The following PGM2L1 variants were observed in gnomAD, a reference collection of about 807,000 sequenced individuals.
PGM2L1 encodes glucose 1,6-bisphosphate synthase.
A neutral mutation model predicts 73.4 loss-of-function variants in PGM2L1; 35 were observed. The observed-to-expected ratio is 0.48, with a 90% CI of 0.36 to 0.63. The LOEUF (loss-of-function observed/expected upper bound fraction) is 0.63. PGM2L1 is among the 30% of genes least tolerant of loss of function. The pLI is 0.00. For synonymous variants in PGM2L1, 225 were observed against 253.8 expected (o/e 0.89, Z 1.08); for missense variants, 570 against 742.0 (o/e 0.77, Z 2.69).
intron 1 of PGM2L1, among the ~76,000 whole-genome samples, chr11:74,386,439 T>A (rs1375716035): frequency 2.0e-5 from 3 of 151,780 alleles, no homozygotes; most frequent in African/African-American, 7.3e-5. Flanking sequence ...TGGTGCACAC[T>A]CTCTGTAAGG....
chr11:74,396,392 C>T (rs1057145296), intron 1 of PGM2L1, among the ~76,000 whole-genome samples: 39 of 151,852 alleles, frequency 2.6e-4, no homozygotes, highest in African/African-American at 9.2e-4. Context: ...TTAGTATCAC[C>T]TGAAAATTCA....
chr11:74,369,068 A>C (rs541592689), intron 4 of PGM2L1, among the ~76,000 whole-genome samples: 1 of 152,276 alleles, frequency 6.6e-6, no homozygotes, highest in African/African-American at 2.4e-5. Flanking sequence ...ATTAGCCATA[A>C]CTGCATCAAG....
At chr11:74,355,789 G>A in intron 5 of PGM2L1, 3 of 458,646 alleles carry the variant, frequency 6.5e-6, no homozygotes, top group Non-Finnish European at 1.3e-5. Context: ...GAAGCTATAG[G>A]TTACAACAGA....
intron 5 of PGM2L1, chr11:74,354,322 G>A: frequency 1.9e-6 from 1 of 528,564 alleles, no homozygotes; most frequent in Non-Finnish European, 3.3e-6. Context: ...ATATGTCCAG[G>A]AATAAATGTT....
intron 5 of PGM2L1, among the ~76,000 whole-genome samples, chr11:74,357,722 C>T (rs75243188): frequency 0.018 from 2,722 of 152,198 alleles, 48 homozygotes; most frequent in African/African-American, 0.033. Flanking sequence ...AAGATGTGCA[C>T]ACAAATATTT....
intron 1 of PGM2L1, among the ~76,000 whole-genome samples, chr11:74,381,956 A>AT (rs1456429159): frequency 1.3e-5 from 2 of 149,794 alleles, no homozygotes; most frequent in Non-Finnish European, 3.0e-5. Context: ...ACAAGATACC[A>AT]TTTTTCACCT....
At chr11:74,354,805 A>G (rs1862417541) in intron 5 of PGM2L1, 2 of 954,754 alleles carry the variant, frequency 2.1e-6, no homozygotes, top group South Asian at 2.6e-5. Context: ...ACATCACCTA[A>G]GAGATTATTT....
chr11:74,355,570 AAAAAAAAAATT>A (rs1862435484), intron 5 of PGM2L1: 8 of 328,720 alleles, frequency 2.4e-5, no homozygotes, highest in South Asian at 5.5e-5. Context: ...AAAAAAAAAA[AAAAAAAAAATT>A]TGGATCCATG....
chr11:74,340,819 C>T lies in PGM2L1; in HGVS notation c.1632+1642G>A, dbSNP rs548110947. On this transcript the variant is annotated intron_variant, in intron 12 of 13. Coordinates refer to ENST00000298198, the MANE Select transcript of PGM2L1 (RefSeq NM_173582.6). ...GTGTCTAATTATGAGGCCTAGAGGT[C>T]GCGTGGAACAGGTGACATTTGCCTT... Among the ~76,000 whole-genome samples, 22 of 152,016 alleles carry T rather than the reference C, an allele frequency of 1.4e-4. 1 individual carries two copies. The South Asian group carries it at 4.4e-3, about 30-fold the overall frequency.
intron 1 of PGM2L1, among the ~76,000 whole-genome samples, chr11:74,391,488 G>A (rs1394117071): frequency 1.3e-5 from 2 of 151,658 alleles, no homozygotes; most frequent in South Asian, 2.1e-4. Context: ...CAACTTTAAC[G>A]TCTATATTTT....
In PGM2L1 at chr11:74,345,407, G is replaced by A. The variant is rs1862246242; in HGVS notation, c.1218+62C>T. ...CAATGAAAGTCAGTCTTGGTGGGGA[G>A]ATGTCTTTAACATACAGAAATAGGT... is the stretch of plus-strand genomic sequence containing the variant. On this transcript the variant is annotated intron_variant, in intron 9 of 13. Coordinates refer to ENST00000298198, the MANE Select transcript of PGM2L1 (RefSeq NM_173582.6). The A allele has an allele frequency of 4.1e-5, 55 of 1,350,258 alleles. 1 individual carries two copies. In the South Asian group the frequency reaches 6.9e-4, roughly 17 times the overall value. 83.6% of individuals were successfully genotyped at this position (1,350,258 alleles called of 1,614,324 possible).
At chr11:74,348,507 A>G (rs1192489364) in intron 6 of PGM2L1, among the ~76,000 whole-genome samples, 2 of 152,186 alleles carry the variant, frequency 1.3e-5, no homozygotes, top group Non-Finnish European at 2.9e-5. Context: ...AAACATAACC[A>G]TATTACCATC....
intron 1 of PGM2L1, among the ~76,000 whole-genome samples, chr11:74,383,824 A>AATATATATAT (rs377358856): frequency 0.1 from 12,751 of 121,594 alleles, 964 homozygotes; most frequent in Non-Finnish European, 0.14. Flanking sequence ...TATATAAATA[A>AATATATATAT]ATATATATAT....
chr11:74,354,795 A>C, intron 5 of PGM2L1: 1 of 990,658 alleles, frequency 1.0e-6, no homozygotes, highest in Non-Finnish European at 1.6e-6. Flanking sequence ...ACCCTGAAGA[A>C]CATCACCTAA....
intron 12 of PGM2L1, among the ~76,000 whole-genome samples, chr11:74,339,438 C>A (rs1257079959): frequency 6.6e-6 from 1 of 152,146 alleles, no homozygotes; most frequent in Non-Finnish European, 1.5e-5. Flanking sequence ...ACACTGGTAC[C>A]TTTCCTCAGC....
rs879774794 is a variant in PGM2L1 at position 74,339,203 on chromosome 11, C to T, written c.1633-602G>A. On this transcript the variant is annotated intron_variant, in intron 12 of 13. Transcript: ENST00000298198. The stretch of plus-strand genomic sequence containing the variant: ...AAAGTCCAAACTGCCTCTATATTTG[C>T]GAAGCATTTTTGCCGTTTATCAATC... 6.6e-5 allele frequency among the ~76,000 whole-genome samples: 10 copies of T among 152,092 alleles called. No homozygotes were observed. The South Asian group carries it at 8.3e-4, about 13-fold the overall frequency.
chr11:74,347,326 G>T lies in PGM2L1; in HGVS notation c.761C>A (p.Ser254Ter). 6.3e-7 allele frequency: 1 copy of T among 1,596,422 alleles called. No homozygotes were observed. The highest frequency in any genetic ancestry group is 8.5e-7 in the Non-Finnish European group (1 of 1,172,432). Reference protein sequence around the residue: ...KKICFYRELNSKTTLKFVHTS... With the variant: ...KKICFYRELN ...GTGCACAAATTTCAAGGTGGTCTTC[G>T]AGTTTAACTCCCTGTAAAGGAAAAT... Residue 254 changes from serine to a stop codon, truncating the protein, a stop_gained, in exon 7 of 14, where the codon TCG (serine) becomes TAG (stop). Transcript: ENST00000298198. LOFTEE classifies it high-confidence loss of function.
chr11:74,395,555 T>C (rs1427842995), intron 1 of PGM2L1, among the ~76,000 whole-genome samples: 4 of 36,860 alleles, frequency 1.1e-4, no homozygotes, highest in Non-Finnish European at 2.1e-4. Flanking sequence ...CTGGCTTTTT[T>C]TTTTTTTTTT....
intron 4 of PGM2L1, among the ~76,000 whole-genome samples, chr11:74,370,622 A>G (rs758645407): frequency 3.3e-5 from 5 of 152,186 alleles, no homozygotes; most frequent in African/African-American, 1.2e-4. Context: ...TCTATCCTTC[A>G]TCATTTTTGT....
Sources: allele counts gnomAD v4.1 joint callset (sites outside exome capture counted in the v4.1 genomes callset), GRCh38; gene constraint gnomAD v4.1.1; transcripts MANE v1.5; gene names NCBI Gene and HGNC (gene_info 2026-07-23, HGNC 2026-07-21).